Variants in M1AP observed in about 807,000 individuals in gnomAD.
M1AP encodes meiosis 1 associated protein.
M1AP carries 39 observed loss-of-function variants against 51.2 expected under a neutral mutation model. The ratio of observed to expected loss-of-function variants is 0.76; its 90% CI spans 0.59 to 1.00. M1AP has a LOEUF of 1.00. M1AP is among the 50% of genes least tolerant of loss of function. The probability of loss-of-function intolerance (pLI) is 0.00; values close to 1 mark genes in which losing one functional copy is unlikely to be tolerated. For missense variants in M1AP, 545 were observed against 641.2 expected (o/e 0.85, Z 1.62); for synonymous variants, 251 against 249.2 (o/e 1.01, Z -0.07).
intron 2 of M1AP, among the ~76,000 whole-genome samples, chr2:74,625,599 C>A (rs139561725): frequency 1.1e-3 from 163 of 152,218 alleles, no homozygotes; most frequent in African/African-American, 3.8e-3. Flanking sequence ...TTACAGTGAG[C>A]ACAATGTTAA....
chr2:74,607,337 ATGTTTAGTGC>A, intron 3 of M1AP, 114 bp from the exon 4 acceptor site: 1 of 1,021,344 alleles, frequency 9.8e-7, no homozygotes, highest in Admixed American at 2.1e-5. Context: ...GGTGGCTATT[ATGTTTAGTGC>A]AAAAAGGATT....
intron 1 of M1AP, among the ~76,000 whole-genome samples, chr2:74,647,755 G>T (rs866505916): frequency 6.6e-6 from 1 of 152,176 alleles, no homozygotes. Context: ...TTAGCCAGGC[G>T]TGGTGGCGGG....
intron 4 of M1AP, among the ~76,000 whole-genome samples, chr2:74,593,897 G>A (rs1411048651): frequency 6.6e-6 from 1 of 152,334 alleles, no homozygotes; most frequent in East Asian, 1.9e-4. Flanking sequence ...CATTGCCAGG[G>A]TAAGGAGTCT....
At chr2:74,642,853 G>T (rs1260562513) in intron 1 of M1AP, among the ~76,000 whole-genome samples, 1 of 151,922 alleles carries the variant, frequency 6.6e-6, no homozygotes, top group Non-Finnish European at 1.5e-5. Context: ...TTCATTTTTA[G>T]TTTGTTGCTT....
chr2:74,637,416 TTTAA>T (rs1683048213), intron 2 of M1AP, among the ~76,000 whole-genome samples: 3 of 152,352 alleles, frequency 2.0e-5, no homozygotes, highest in African/African-American at 7.2e-5. Context: ...CTGGGTCAGT[TTTAA>T]TTAATAATTT....
chr2:74,611,834 A>G (rs1320248157), intron 3 of M1AP, among the ~76,000 whole-genome samples: 1 of 151,286 alleles, frequency 6.6e-6, no homozygotes, highest in Non-Finnish European at 1.5e-5. Context: ...CTCCATCTCA[A>G]AACAAACAAA....
At chr2:74,639,891 C>T in intron 2 of M1AP, 145 bp downstream of exon 2, 1 of 709,486 alleles carries the variant, frequency 1.4e-6, no homozygotes, top group South Asian at 1.8e-5. Context: ...TGCCCTCTGG[C>T]TCTCATGGTG....
intron 1 of M1AP, 38 bp from the exon 2 acceptor site, chr2:74,640,365 T>G (rs1683224492): frequency 1.3e-6 from 2 of 1,489,080 alleles, no homozygotes; most frequent in Admixed American, 2.1e-5. Context: ...GTTTTCAAAC[T>G]GAATTATGTG....
At chr2:74,608,481 C>G (rs527561626) in intron 3 of M1AP, among the ~76,000 whole-genome samples, 17 of 152,214 alleles carry the variant, frequency 1.1e-4, no homozygotes, top group Non-Finnish European at 2.4e-4. Flanking sequence ...TTTATCCATT[C>G]ATCTGCTGAA....
intron 10 of M1AP, among the ~76,000 whole-genome samples, 172 bp from the exon 11 acceptor site, chr2:74,559,046 T>C (rs1158206053): frequency 6.6e-6 from 1 of 152,254 alleles, no homozygotes; most frequent in Non-Finnish European, 1.5e-5. Flanking sequence ...CCACAGTGCC[T>C]GTCTCCTTGC....
intron 3 of M1AP, 50 bp downstream of exon 3, chr2:74,614,914 G>A (rs752656913): frequency 6.7e-7 from 1 of 1,493,502 alleles, no homozygotes; most frequent in Non-Finnish European, 9.3e-7. Context: ...TGACCTATAT[G>A]GACTGAAATC....
intron 2 of M1AP, among the ~76,000 whole-genome samples, chr2:74,617,947 C>T (rs1039213581): frequency 1.3e-5 from 2 of 152,176 alleles, no homozygotes; most frequent in Admixed American, 1.3e-4. Context: ...TGTGCATGTC[C>T]TGTGAATTTC....
intron 7 of M1AP, among the ~76,000 whole-genome samples, chr2:74,563,762 T>C (rs1290040562): frequency 6.6e-6 from 1 of 151,892 alleles, no homozygotes; most frequent in Non-Finnish European, 1.5e-5. Flanking sequence ...GAACAGAGGG[T>C]GGCACTTTGC....
chr2:74,602,696 A>G (rs537963481), intron 4 of M1AP, among the ~76,000 whole-genome samples: 24 of 152,354 alleles, frequency 1.6e-4, no homozygotes, highest in Non-Finnish European at 3.1e-4. Flanking sequence ...ATTAATTATG[A>G]GGAAAGCACA....
At chr2:74,575,359 C>G (rs1236740703) in intron 7 of M1AP, 79 bp downstream of exon 7, 5 of 1,588,718 alleles carry the variant, frequency 3.1e-6, no homozygotes, top group Non-Finnish European at 4.3e-6. Context: ...TAGGATTGGG[C>G]AGAGTTAGTT....
intron 7 of M1AP, among the ~76,000 whole-genome samples, chr2:74,572,343 C>G (rs1678797612): frequency 6.6e-6 from 1 of 152,166 alleles, no homozygotes; most frequent in Admixed American, 6.5e-5. Context: ...CCCACCCCCC[C>G]TAAGCAGTGT....
At chr2:74,596,589 C>A (rs1315710526) in intron 4 of M1AP, among the ~76,000 whole-genome samples, 1 of 149,706 alleles carries the variant, frequency 6.7e-6, no homozygotes, top group Non-Finnish European at 1.5e-5. Context: ...CTCAAAAGAA[C>A]AACAACAACA....
At chr2:74,596,524 G>A (rs1475746610) in intron 4 of M1AP, among the ~76,000 whole-genome samples, 2 of 152,152 alleles carry the variant, frequency 1.3e-5, no homozygotes, top group African/African-American at 4.8e-5. Context: ...GGAGCTTGCA[G>A]TGAGCCGAGA....
At chr2:74,566,095 G>T (rs2104524973) in intron 7 of M1AP, among the ~76,000 whole-genome samples, 1 of 152,298 alleles carries the variant, frequency 6.6e-6, no homozygotes, top group East Asian at 1.9e-4. Flanking sequence ...CTGAAGACCA[G>T]AAGGTCATTT....
Sources: gnomAD v4.1 joint callset for allele counts (sites outside exome capture counted in the v4.1 genomes callset) on GRCh38, gnomAD v4.1.1 for gene constraint, MANE v1.5 for transcripts, NCBI Gene and HGNC (gene_info 2026-07-23, HGNC 2026-07-21) for gene names.